Variants in RSRC1 observed in about 807,000 individuals in gnomAD.
RSRC1 encodes serine/Arginine-related protein 53.
A neutral mutation model predicts 49.1 loss-of-function variants in RSRC1; 39 were observed. The ratio of observed to expected loss-of-function variants is 0.79; its 90% confidence interval spans 0.61 to 1.04. RSRC1 has a LOEUF of 1.04. Among genes scored for constraint, RSRC1 ranks in the 50% least tolerant of loss-of-function variants. The probability of loss-of-function intolerance (pLI) is 0.00; values close to 1 mark genes in which losing one functional copy is unlikely to be tolerated. For synonymous variants in RSRC1, 143 were observed against 130.8 expected (o/e 1.09, Z -0.63); for missense variants, 388 against 402.4 (o/e 0.96, Z 0.31).
chr3:158,201,798 T>C (rs147390058), intron 3 of RSRC1, among the ~76,000 whole-genome samples: 1 of 152,334 alleles, frequency 6.6e-6, no homozygotes, highest in East Asian at 1.9e-4. Flanking sequence ...TTTTAACATC[T>C]AGTTTAGTCT....
intron 6 of RSRC1, among the ~76,000 whole-genome samples, chr3:158,434,612 A>C (rs1020046955): frequency 6.6e-6 from 1 of 151,948 alleles, no homozygotes; most frequent in African/African-American, 2.4e-5. Flanking sequence ...TGCGCCACCT[A>C]GCGAAACTCG....
intron 6 of RSRC1, among the ~76,000 whole-genome samples, chr3:158,362,479 G>C (rs1202789226): frequency 1.3e-5 from 2 of 152,180 alleles, no homozygotes. Flanking sequence ...AGAGGATCTA[G>C]CTGTCTGAAA....
At chr3:158,454,742 G>A (rs991746704) in intron 6 of RSRC1, among the ~76,000 whole-genome samples, 4 of 152,136 alleles carry the variant, frequency 2.6e-5, no homozygotes, top group African/African-American at 9.6e-5. Flanking sequence ...CGTAAGATTG[G>A]TTTACCTCAA....
intron 4 of RSRC1, among the ~76,000 whole-genome samples, chr3:158,259,158 G>T (rs1210038149): frequency 1.3e-5 from 2 of 152,018 alleles, no homozygotes; most frequent in East Asian, 1.9e-4. Context: ...TAGGTGTCTG[G>T]GCATTATTAT....
chr3:158,408,383 G>A (rs1372809122), intron 6 of RSRC1, among the ~76,000 whole-genome samples: 5 of 152,128 alleles, frequency 3.3e-5, no homozygotes, highest in Non-Finnish European at 5.9e-5. Flanking sequence ...TCCTGATAAA[G>A]GTAACAGGCC....
chr3:158,483,001 A>G (rs1738677389), intron 7 of RSRC1, among the ~76,000 whole-genome samples: 1 of 152,008 alleles, frequency 6.6e-6, no homozygotes, highest in African/African-American at 2.4e-5. Context: ...AGGACAAATT[A>G]GAATCTACAG....
chr3:158,450,948 T>A (rs1736993029), intron 6 of RSRC1, among the ~76,000 whole-genome samples: 1 of 151,902 alleles, frequency 6.6e-6, no homozygotes, highest in South Asian at 2.1e-4. Flanking sequence ...ATCCAGAAAG[T>A]CTTGGGTATA....
intron 6 of RSRC1, among the ~76,000 whole-genome samples, chr3:158,368,744 A>G (rs984506315): frequency 7.9e-5 from 12 of 152,194 alleles, no homozygotes; most frequent in African/African-American, 2.7e-4. Flanking sequence ...TAACTTATCT[A>G]TTGTAAAATT....
rs545191039 is a variant in RSRC1 at position 158,462,945 on chromosome 3, A to G, written c.652+1942A>G. 6.6e-5 allele frequency among the ~76,000 whole-genome samples: 10 copies of G among 152,162 alleles called. No homozygotes were observed. The East Asian group carries it at 1.9e-3, about 29-fold the overall frequency. ...TCTTTAAAAATCTAGCATTCTAACT[A>G]GAGTATAAACTACAGGATTACAGAG... On this transcript the variant is annotated intron_variant, in intron 7 of 9. Transcript: ENST00000611884.
intron 3 of RSRC1, chr3:158,132,194 C>T (rs1231998496): frequency 4.7e-6 from 2 of 426,048 alleles, no homozygotes; most frequent in African/African-American, 4.0e-5. Context: ...CCATGTTGCC[C>T]AGGCTGGTCT....
chr3:158,238,190 A>G (rs756825894), intron 4 of RSRC1, among the ~76,000 whole-genome samples: 88 of 152,356 alleles, frequency 5.8e-4, no homozygotes, highest in Admixed American at 9.2e-4. Context: ...AAGGAGAACT[A>G]CAAACCACTG....
intron 6 of RSRC1, among the ~76,000 whole-genome samples, chr3:158,437,584 C>T (rs997457632): frequency 6.6e-6 from 1 of 152,120 alleles, no homozygotes; most frequent in Non-Finnish European, 1.5e-5. Flanking sequence ...CTCCATAGTG[C>T]AGAAAAGGCC....
At chr3:158,336,106 C>T (rs1407710256) in intron 5 of RSRC1, among the ~76,000 whole-genome samples, 1 of 152,204 alleles carries the variant, frequency 6.6e-6, no homozygotes, top group Non-Finnish European at 1.5e-5. Context: ...TCTTTGGGCA[C>T]ATTTTGCCTA....
intron 3 of RSRC1, among the ~76,000 whole-genome samples, chr3:158,160,084 G>A (rs1718128369): frequency 6.6e-6 from 1 of 152,094 alleles, no homozygotes; most frequent in Non-Finnish European, 1.5e-5. Flanking sequence ...TTATTTGTGA[G>A]TATGAATGAG....
At chr3:158,326,780 AT>A (rs1479010314) in intron 5 of RSRC1, among the ~76,000 whole-genome samples, 1 of 152,096 alleles carries the variant, frequency 6.6e-6, no homozygotes, top group African/African-American at 2.4e-5. Flanking sequence ...TTTTCTATTG[AT>A]TGGAATAGTT....
chr3:158,116,424 A>C (rs1047396728), intron 1 of RSRC1, among the ~76,000 whole-genome samples: 4 of 152,220 alleles, frequency 2.6e-5, no homozygotes, highest in African/African-American at 4.8e-5. Context: ...AGTTATGTGT[A>C]TCTCTCATTT....
intron 5 of RSRC1, among the ~76,000 whole-genome samples, chr3:158,320,961 T>A (rs1728719729): frequency 6.6e-6 from 1 of 152,144 alleles, no homozygotes; most frequent in Non-Finnish European, 1.5e-5. Context: ...AGAACACTGG[T>A]TCTTAATTTT....
chr3:158,353,506 A>C (rs1425678158), intron 5 of RSRC1, among the ~76,000 whole-genome samples: 1 of 152,182 alleles, frequency 6.6e-6, no homozygotes, highest in Non-Finnish European at 1.5e-5. Flanking sequence ...TATTTATGAA[A>C]CCAGGCCACT....
chr3:158,371,957 T>A (rs1299997009), intron 6 of RSRC1, among the ~76,000 whole-genome samples: 1 of 151,814 alleles, frequency 6.6e-6, no homozygotes, highest in Non-Finnish European at 1.5e-5. Context: ...TCATGGTGAA[T>A]GATGTTAAGC....
Sources: gnomAD v4.1 joint callset for allele counts (sites outside exome capture counted in the v4.1 genomes callset) on GRCh38, gnomAD v4.1.1 for gene constraint, MANE v1.5 for transcripts, NCBI Gene and HGNC (gene_info 2026-07-23, HGNC 2026-07-21) for gene names.